NAALADL2: variants seen among roughly 807,000 people sequenced by gnomAD.
NAALADL2 encodes the protein inactive N-acetylated-alpha-linked acidic dipeptidase-like protein 2.
NAALADL2 carries 76 observed loss-of-function variants against 87.2 expected under a neutral mutation model. That is an observed-to-expected ratio of 0.87 (90% CI 0.72 to 1.05). The LOEUF (loss-of-function observed/expected upper bound fraction) is 1.05. Ranked by LOEUF, NAALADL2 falls within the 50% of genes least tolerant of loss-of-function variation. NAALADL2 has a pLI of 0.00. For missense variants in NAALADL2, 1,089 were observed against 945.8 expected (o/e 1.15, Z -1.99); for synonymous variants, 354 against 331.0 (o/e 1.07, Z -0.75).
intron 2 of NAALADL2, among the ~76,000 whole-genome samples, chr3:175,215,042 C>A (rs1309762243): frequency 6.6e-6 from 1 of 152,142 alleles, no homozygotes; most frequent in Non-Finnish European, 1.5e-5. Context: ...TCAGCCACCA[C>A]AGCCCTCTTT....
chr3:175,413,328 T>C (rs1163597673), intron 5 of NAALADL2, among the ~76,000 whole-genome samples: 4 of 150,736 alleles, frequency 2.7e-5, no homozygotes, highest in Non-Finnish European at 4.4e-5. Context: ...TCCCAGCCTT[T>C]TGGGAGGCCG....
At chr3:174,545,330 G>A (rs538675771) in intron 1 of NAALADL2, among the ~76,000 whole-genome samples, 68 of 152,124 alleles carry the variant, frequency 4.5e-4, no homozygotes, top group Non-Finnish European at 8.7e-4. Flanking sequence ...GGTAACTGTC[G>A]TCCTGGAACT....
intron 9 of NAALADL2, among the ~76,000 whole-genome samples, chr3:175,508,050 G>C (rs373774613): frequency 4.1e-4 from 63 of 152,302 alleles, no homozygotes; most frequent in African/African-American, 1.4e-3. Context: ...AAGGTGAAAG[G>C]AGAGCAGGCA....
At chr3:174,706,383 GATTTTGGGATCTACAGTGGTTTCCTA>G (rs1730071010) in intron 2 of NAALADL2, among the ~76,000 whole-genome samples, 3 of 152,198 alleles carry the variant, frequency 2.0e-5, no homozygotes, top group Admixed American at 1.3e-4. Context: ...AAATCCTCAT[GATTTTGGGATCTACAGTGGTTTCCTA>G]AATTTGATAC....
intron 3 of NAALADL2, among the ~76,000 whole-genome samples, chr3:175,253,706 G>A (rs983132723): frequency 5.3e-5 from 8 of 152,164 alleles, no homozygotes; most frequent in Non-Finnish European, 1.0e-4. Context: ...AGCCACATTT[G>A]TGGTTCGTGA....
intron 2 of NAALADL2, among the ~76,000 whole-genome samples, chr3:175,129,410 T>A (rs1157466684): frequency 2.6e-5 from 4 of 152,190 alleles, no homozygotes; most frequent in African/African-American, 9.6e-5. Flanking sequence ...GTACAATAGA[T>A]CCCTGGAGCT....
intron 4 of NAALADL2, among the ~76,000 whole-genome samples, chr3:175,266,161 C>T (rs1050295937): frequency 7.3e-5 from 11 of 150,584 alleles, no homozygotes; most frequent in African/African-American, 2.7e-4. Flanking sequence ...TTTTAGAATA[C>T]ACCCGGTAAT....
intron 2 of NAALADL2, among the ~76,000 whole-genome samples, chr3:175,110,077 C>T (rs1202820502): frequency 6.6e-6 from 1 of 151,838 alleles, no homozygotes; most frequent in East Asian, 1.9e-4. Flanking sequence ...TGCCTCATCG[C>T]TTTCAGTTAT....
chr3:174,619,975 T>C (rs1303772907), intron 2 of NAALADL2, among the ~76,000 whole-genome samples: 1 of 152,004 alleles, frequency 6.6e-6, no homozygotes, highest in African/African-American at 2.4e-5. Flanking sequence ...CTATTATTAC[T>C]TCCCATCTTA....
Position 174,886,432 on chromosome 3 carries a change from C to T in NAALADL2, c.43+26982C>T, listed in dbSNP as rs1028515420. The stretch of plus-strand genomic sequence containing the variant: ...AGCCCACTGACTCATATGTTAATCT[C>T]CTCTGGAAACACCCTCACAGACACA... On this transcript the variant is annotated intron_variant, in intron 1 of 13. Transcript: ENST00000454872. Among the ~76,000 whole-genome samples, 7 of 152,234 alleles carry T rather than the reference C, an allele frequency of 4.6e-5. No homozygotes were observed. The East Asian group carries it at 1.4e-3, about 29-fold the overall frequency.
At chr3:174,862,015 C>T (rs1726568652) in intron 1 of NAALADL2, among the ~76,000 whole-genome samples, 1 of 151,804 alleles carries the variant, frequency 6.6e-6, no homozygotes, top group Non-Finnish European at 1.5e-5. Context: ...GTCCCAATGA[C>T]AAGGTAACCC....
intron 10 of NAALADL2, among the ~76,000 whole-genome samples, chr3:175,607,622 A>C (rs1329255490): frequency 6.6e-6 from 1 of 152,144 alleles, no homozygotes; most frequent in Admixed American, 6.6e-5. Context: ...AATGTTAGAA[A>C]ATCAGTTAAC....
chr3:175,138,177 A>G (rs1346163915), intron 2 of NAALADL2, among the ~76,000 whole-genome samples: 1 of 152,218 alleles, frequency 6.6e-6, no homozygotes, highest in Non-Finnish European at 1.5e-5. Context: ...GAGAAGACTG[A>G]GGTTCAAAAA....
At chr3:175,790,030 A>G (rs1752586984) in intron 13 of NAALADL2, among the ~76,000 whole-genome samples, 1 of 152,178 alleles carries the variant, frequency 6.6e-6, no homozygotes, top group Non-Finnish European at 1.5e-5. Context: ...CAGATTTCAT[A>G]AACAGGAAAA....
intron 5 of NAALADL2, among the ~76,000 whole-genome samples, chr3:175,370,764 T>A (rs1766377962): frequency 6.6e-6 from 1 of 152,212 alleles, no homozygotes; most frequent in South Asian, 2.1e-4. Context: ...CAAAAGACAT[T>A]CACTTTAAAA....
intron 1 of NAALADL2, among the ~76,000 whole-genome samples, chr3:174,887,159 C>T (rs765207802): frequency 3.3e-5 from 5 of 152,070 alleles, no homozygotes; most frequent in Non-Finnish European, 5.9e-5. Context: ...CCTAGATGGC[C>T]ACTCATTGAA....
chr3:175,231,870 G>T (rs1581029439), intron 2 of NAALADL2, among the ~76,000 whole-genome samples: 1 of 151,990 alleles, frequency 6.6e-6, no homozygotes, highest in South Asian at 2.1e-4. Context: ...GTCAAATTGT[G>T]TTGTTTTTAA....
At chr3:175,338,655 AC>A (rs1328928530) in intron 5 of NAALADL2, among the ~76,000 whole-genome samples, 4,062 of 149,184 alleles carry the variant, frequency 0.027, 187 homozygotes, top group African/African-American at 0.088. Flanking sequence ...ACACACACAC[AC>A]ACACACAAAC....
intron 12 of NAALADL2, among the ~76,000 whole-genome samples, chr3:175,743,089 C>T (rs1265894369): frequency 6.6e-6 from 1 of 152,024 alleles, no homozygotes; most frequent in Non-Finnish European, 1.5e-5. Flanking sequence ...CAACCTCCTC[C>T]TCCCGGGTTC....
Sources: allele counts gnomAD v4.1 joint callset (sites outside exome capture counted in the v4.1 genomes callset), GRCh38; gene constraint gnomAD v4.1.1; transcripts MANE v1.5; gene names NCBI Gene and HGNC (gene_info 2026-07-23, HGNC 2026-07-21).